Variants in PKHD1 observed in about 807,000 individuals in gnomAD.
PKHD1 encodes fibrocystin.
A neutral mutation model predicts 412.0 loss-of-function variants in PKHD1; 291 were observed. The ratio of observed to expected loss-of-function variants is 0.71; its 90% CI spans 0.64 to 0.78. PKHD1 has a LOEUF of 0.78. Among genes scored for constraint, PKHD1 ranks in the 30% least tolerant of loss-of-function variants. The probability of loss-of-function intolerance (pLI) is 0.00; values close to 1 mark genes in which losing one functional copy is unlikely to be tolerated. For synonymous variants in PKHD1, 1,777 were observed against 1,821.5 expected, an observed-to-expected ratio of 0.98 and a Z score of 0.62; for missense variants, 4,825 against 4,950.7, an observed-to-expected ratio of 0.97 and a Z score of 0.76.
chr6:51,915,143 C>T (rs1305096739), intron 37 of PKHD1, among the ~76,000 whole-genome samples: 1 of 151,994 alleles, frequency 6.6e-6, no homozygotes, highest in Non-Finnish European at 1.5e-5. Context: ...GATATAGGCC[C>T]TCTCTCTTGA....
At chr6:51,938,667 T>C (rs1228408305) in intron 36 of PKHD1, among the ~76,000 whole-genome samples, 1 of 151,588 alleles carries the variant, frequency 6.6e-6, no homozygotes, top group African/African-American at 2.4e-5. Context: ...TTTGGTGGTC[T>C]CTTCACACAG....
At chr6:51,897,272 G>T (rs1217091848) in intron 43 of PKHD1, among the ~76,000 whole-genome samples, 1 of 151,578 alleles carries the variant, frequency 6.6e-6, no homozygotes, top group African/African-American at 2.4e-5. Context: ...AGAAAGGTCG[G>T]GTTACCCTCA....
At chr6:51,744,297 C>T in intron 60 of PKHD1, 88 bp downstream of exon 60, 1 of 1,135,390 alleles carries the variant, frequency 8.8e-7, no homozygotes, top group Non-Finnish European at 1.3e-6. Flanking sequence ...TTCACCAGTA[C>T]ATTTCATTCT....
chr6:51,996,395 T>C (rs1797722574), intron 35 of PKHD1, among the ~76,000 whole-genome samples: 1 of 152,156 alleles, frequency 6.6e-6, no homozygotes, highest in African/African-American at 2.4e-5. Flanking sequence ...TTCCCTAGAT[T>C]GCTCTTTTCT....
chr6:52,075,003 T>C (rs946298000), intron 6 of PKHD1, among the ~76,000 whole-genome samples: 1 of 152,202 alleles, frequency 6.6e-6, no homozygotes, highest in Non-Finnish European at 1.5e-5. Flanking sequence ...CTAATGGCTG[T>C]CTGCTTCCTC....
intron 61 of PKHD1, among the ~76,000 whole-genome samples, chr6:51,658,751 T>C (rs1271173345): frequency 6.6e-6 from 1 of 152,110 alleles, no homozygotes; most frequent in African/African-American, 2.4e-5. Context: ...GGAAATAGAA[T>C]AATCATGAAA....
chr6:51,883,273 T>C lies in PKHD1; in HGVS notation c.7216-46A>G, dbSNP rs756143007. On this transcript the variant is annotated intron_variant, in intron 45 of 66. Coordinates refer to ENST00000371117, the MANE Select transcript of PKHD1 (RefSeq NM_138694.4). ...CAGCAAAGGTCTGAGGCTTGGTTTT[T>C]CTTGCGGACTTCCTGTAGCTTTTAA... The C allele has an allele frequency of 5.2e-6, 8 of 1,544,328 alleles. No individual in the cohort carries two copies. The East Asian group carries it at 1.8e-4, about 35-fold the overall frequency.
chr6:51,923,519 A>G (rs977224426), intron 37 of PKHD1, among the ~76,000 whole-genome samples: 2 of 125,254 alleles, frequency 1.6e-5, no homozygotes, highest in African/African-American at 2.6e-5. Flanking sequence ...GAAAAAAAAG[A>G]AAAAAAAAAA....
At chr6:51,833,901 A>G (rs1157364222) in intron 51 of PKHD1, among the ~76,000 whole-genome samples, 3 of 152,108 alleles carry the variant, frequency 2.0e-5, no homozygotes, top group Non-Finnish European at 4.4e-5. Flanking sequence ...TAGTTTCAAA[A>G]CTGGAGCCCA....
At chr6:51,819,867 C>T (rs958218001) in intron 52 of PKHD1, among the ~76,000 whole-genome samples, 1 of 152,146 alleles carries the variant, frequency 6.6e-6, no homozygotes, top group Non-Finnish European at 1.5e-5. Flanking sequence ...TCCACCAGTG[C>T]CTATGTATAT....
chr6:51,710,554 C>T (rs1401573743), intron 60 of PKHD1, among the ~76,000 whole-genome samples: 1 of 152,022 alleles, frequency 6.6e-6, no homozygotes. Flanking sequence ...ATGAGTTCTA[C>T]ATCTTTTAAT....
chr6:52,028,035 T>C, intron 30 of PKHD1, 121 bp downstream of exon 30: 2 of 1,209,958 alleles, frequency 1.7e-6, no homozygotes, highest in Non-Finnish European at 1.2e-6. Context: ...TGTTATGATG[T>C]TCATGTCTTT....
At chr6:51,624,826 G>A (rs950600690) in intron 66 of PKHD1, among the ~76,000 whole-genome samples, 3 of 152,142 alleles carry the variant, frequency 2.0e-5, no homozygotes, top group Non-Finnish European at 4.4e-5. Flanking sequence ...TCTTACTTGA[G>A]GCCACAAAGT....
At chr6:51,953,720 A>G (rs993335253) in intron 36 of PKHD1, among the ~76,000 whole-genome samples, 3 of 152,106 alleles carry the variant, frequency 2.0e-5, no homozygotes, top group Non-Finnish European at 4.4e-5. Flanking sequence ...GCTTCATTTC[A>G]ATAAACCAAG....
chr6:51,802,598 A>G (rs1443041569), intron 52 of PKHD1, among the ~76,000 whole-genome samples: 1 of 151,628 alleles, frequency 6.6e-6, no homozygotes, highest in Non-Finnish European at 1.5e-5. Flanking sequence ...TGTTTCCTTA[A>G]GAATAATAAC....
intron 38 of PKHD1, 76 bp downstream of exon 38, chr6:51,912,290 T>A (rs1783077964): frequency 3.3e-6 from 3 of 911,322 alleles, no homozygotes; most frequent in Non-Finnish European, 5.5e-6. Context: ...AAGACCCCAA[T>A]ACAAATGTCC....
Position 51,659,154 on chromosome 6 carries a change from T to C in PKHD1, c.10972A>G (p.Ile3658Val), listed in dbSNP as rs150507547. 6.2e-7 allele frequency: 1 copy of C among 1,613,826 alleles called. No homozygotes were observed. ...RASPPMTVETISKVIVIEIGD... is the reference protein window; with the variant it reads ...RASPPMTVETVSKVIVIEIGD... The stretch of plus-strand genomic sequence containing the variant: ...ATTTCAATGACAATCACTTTTGAGA[T>C]AGTTTCCACAGTCATTGGGGGTGAA... Residue 3658 changes from isoleucine to valine, a missense_variant, in exon 61 of 67, where the codon ATC becomes GTC. Coordinates refer to ENST00000371117, the MANE Select transcript of PKHD1 (RefSeq NM_138694.4).
At position 52,061,510 on chromosome 6, in the gene PKHD1, T is replaced by C. The variant is rs371837864; in HGVS notation, c.1118+1009A>G. 3.3e-5 allele frequency among the ~76,000 whole-genome samples: 5 copies of C among 152,260 alleles called. No homozygotes were observed. The South Asian group carries it at 6.2e-4, about 19-fold the overall frequency. On this transcript the variant is annotated intron_variant, in intron 14 of 66. Transcript: ENST00000371117. ...AACCATAAACTCATGGTTAAGTACC[T>C]AGTAAGTAAGGCTTCAGGAGACACT...
chr6:51,654,188 C>A (rs959920502), intron 61 of PKHD1, among the ~76,000 whole-genome samples: 2 of 152,054 alleles, frequency 1.3e-5, no homozygotes, highest in African/African-American at 4.8e-5. Context: ...AAGTCGAAAC[C>A]TTGACCACCT....
Sources: gnomAD v4.1 joint callset for allele counts (sites outside exome capture counted in the v4.1 genomes callset) on GRCh38, gnomAD v4.1.1 for gene constraint, MANE v1.5 for transcripts, NCBI Gene and HGNC (gene_info 2026-07-23, HGNC 2026-07-21) for gene names.